The following TMEM266 variants were observed in gnomAD, a reference collection of about 807,000 sequenced individuals.
TMEM266 encodes transmembrane protein 266.
TMEM266 carries 33 observed loss-of-function variants against 50.5 expected under a neutral mutation model. The observed-to-expected ratio is 0.65, with a 90% CI of 0.50 to 0.87. The LOEUF is 0.87. Among genes scored for constraint, TMEM266 ranks in the 40% least tolerant of loss-of-function variants. The probability of loss-of-function intolerance (pLI) is 0.00; values close to 1 mark genes in which losing one functional copy is unlikely to be tolerated. For missense variants in TMEM266, 655 were observed against 695.1 expected (o/e 0.94, Z 0.65); for synonymous variants, 310 against 292.3 (o/e 1.06, Z -0.62).
chr15:76,167,677 G>A (rs2038118352), intron 5 of TMEM266, among the ~76,000 whole-genome samples: 1 of 151,832 alleles, frequency 6.6e-6, no homozygotes, highest in Admixed American at 6.6e-5. Context: ...AATGATTGTA[G>A]TTTTAGTAGA....
intron 5 of TMEM266, among the ~76,000 whole-genome samples, chr15:76,169,153 G>A (rs181736732): frequency 5.3e-5 from 8 of 152,250 alleles, no homozygotes; most frequent in African/African-American, 1.9e-4. Context: ...GGAGGAAGAG[G>A]AGCCTAATTC....
chr15:76,144,260 C>G (rs2037723585), intron 3 of TMEM266, among the ~76,000 whole-genome samples: 1 of 152,052 alleles, frequency 6.6e-6, no homozygotes. Context: ...TAACAAGCAC[C>G]TACGTCTCTT....
chr15:76,171,164 G>A (rs1161310898), intron 7 of TMEM266, 33 bp downstream of exon 7: 1 of 1,606,726 alleles, frequency 6.2e-7, no homozygotes, highest in Admixed American at 1.7e-5. Flanking sequence ...GGTCAGTGGG[G>A]CTGCTCCAGA....
chr15:76,066,973 C>T (rs772265836), intron 1 of TMEM266, among the ~76,000 whole-genome samples: 19 of 152,054 alleles, frequency 1.2e-4, no homozygotes, highest in Admixed American at 9.8e-4. Flanking sequence ...CCGGTACTAC[C>T]GCGATTACCC....
At chr15:76,203,684 G>A in intron 10 of TMEM266, 57 bp from the exon 11 acceptor site, 1 of 1,529,014 alleles carries the variant, frequency 6.5e-7, no homozygotes. Context: ...GCTCTCTTCA[G>A]GGCCCCCAGG....
chr15:76,090,133 A>G (rs753106003), intron 1 of TMEM266, among the ~76,000 whole-genome samples: 8 of 152,176 alleles, frequency 5.3e-5, no homozygotes, highest in Admixed American at 6.5e-5. Context: ...TATTTCAGAA[A>G]GCCCATTTAT....
chr15:76,151,880 C>T (rs901226484), intron 3 of TMEM266, among the ~76,000 whole-genome samples: 2 of 152,178 alleles, frequency 1.3e-5, no homozygotes, highest in Admixed American at 6.5e-5. Context: ...CACTGAGTAT[C>T]GAGGACCTGG....
chr15:76,146,598 A>G (rs1442652830), intron 3 of TMEM266, among the ~76,000 whole-genome samples: 7 of 152,244 alleles, frequency 4.6e-5, no homozygotes, highest in Non-Finnish European at 8.8e-5. Flanking sequence ...TCGGGATTTC[A>G]GGTTAGAAAA....
At chr15:76,136,949 C>T (rs2037599154) in intron 2 of TMEM266, among the ~76,000 whole-genome samples, 1 of 152,212 alleles carries the variant, frequency 6.6e-6, no homozygotes, top group East Asian at 1.9e-4. Flanking sequence ...GGCGGTACTG[C>T]CCTGGCTGAG....
chr15:76,138,048 C>A (rs1475017581), intron 3 of TMEM266, among the ~76,000 whole-genome samples, 153 bp downstream of exon 3: 4 of 151,906 alleles, frequency 2.6e-5, no homozygotes, highest in Non-Finnish European at 5.9e-5. Flanking sequence ...ATGGTAAAAC[C>A]CTGTCTCTAC....
chr15:76,155,317 C>A lies in TMEM266; in HGVS notation c.228-1287C>A, dbSNP rs563743905. The stretch of plus-strand genomic sequence containing the variant: ...AGGTGAGGTTTGACCTCAGCTCCCC[C>A]ATCTCTGTATTCCCCAGGCCCCTCA... On this transcript the variant is annotated intron_variant, in intron 3 of 10. Coordinates refer to ENST00000388942, the MANE Select transcript of TMEM266 (RefSeq NM_152335.3). Among the ~76,000 whole-genome samples the A allele has an allele frequency of 2.0e-5, 3 of 152,192 alleles. No individual in the cohort carries two copies. The East Asian group carries it at 5.8e-4, about 29-fold the overall frequency.
intron 3 of TMEM266, among the ~76,000 whole-genome samples, chr15:76,143,653 G>A (rs911627868): frequency 6.6e-6 from 1 of 152,206 alleles, no homozygotes; most frequent in African/African-American, 2.4e-5. Flanking sequence ...ACCGTGCCCA[G>A]CCCTTCTCCT....
intron 1 of TMEM266, among the ~76,000 whole-genome samples, chr15:76,128,659 G>A (rs1474778486): frequency 6.6e-6 from 1 of 152,214 alleles, no homozygotes; most frequent in African/African-American, 2.4e-5. Flanking sequence ...AACAGGCTCA[G>A]CATTCCCATC....
At chr15:76,144,236 A>G (rs1299952350) in intron 3 of TMEM266, among the ~76,000 whole-genome samples, 1 of 128,082 alleles carries the variant, frequency 7.8e-6, no homozygotes, top group African/African-American at 3.2e-5. Context: ...TGCCATGTGC[A>G]TTTTGGCTCA....
chr15:76,111,075 C>G (rs79306104), intron 1 of TMEM266, among the ~76,000 whole-genome samples: 1 of 142,066 alleles, frequency 7.0e-6, no homozygotes, highest in South Asian at 2.4e-4. Flanking sequence ...GACACACTTT[C>G]GCAGTTTCTT....
chr15:76,162,823 G>A (rs2038038739), intron 5 of TMEM266, among the ~76,000 whole-genome samples: 1 of 152,200 alleles, frequency 6.6e-6, no homozygotes, highest in African/African-American at 2.4e-5. Context: ...CTCCTCAGCT[G>A]GGAGAAATGA....
intron 1 of TMEM266, among the ~76,000 whole-genome samples, chr15:76,090,518 A>G (rs2036834757): frequency 6.6e-6 from 1 of 151,662 alleles, no homozygotes; most frequent in Non-Finnish European, 1.5e-5. Context: ...AAAGAGAAAA[A>G]GAAAAAAGTT....
At chr15:76,076,136 G>A (rs1170339345) in intron 1 of TMEM266, among the ~76,000 whole-genome samples, 1 of 151,810 alleles carries the variant, frequency 6.6e-6, no homozygotes, top group African/African-American at 2.4e-5. Flanking sequence ...GGGATTACAG[G>A]CATGAGCCAC....
At chr15:76,144,438 G>C (rs1486397727) in intron 3 of TMEM266, among the ~76,000 whole-genome samples, 2 of 152,148 alleles carry the variant, frequency 1.3e-5, no homozygotes, top group Non-Finnish European at 2.9e-5. Flanking sequence ...TGAAGCTACT[G>C]CTGCCGATGG....
Sources: allele counts gnomAD v4.1 joint callset (sites outside exome capture counted in the v4.1 genomes callset), GRCh38; gene constraint gnomAD v4.1.1; transcripts MANE v1.5; gene names NCBI Gene and HGNC (gene_info 2026-07-23, HGNC 2026-07-21).